The following DPP10 variants were observed in gnomAD, a reference collection of about 807,000 sequenced individuals.
DPP10 encodes the protein inactive dipeptidyl peptidase 10.
DPP10 carries 33 observed loss-of-function variants against 120.9 expected under a neutral mutation model. The ratio of observed to expected loss-of-function variants is 0.27; its 90% CI spans 0.21 to 0.37. The LOEUF is 0.37. Ranked by LOEUF, DPP10 falls within the 10% of genes least tolerant of loss-of-function variation. The pLI, the probability that DPP10 is intolerant of heterozygous loss-of-function variation, is 1.00. For missense variants in DPP10, 816 were observed against 942.8 expected (o/e 0.87, Z 1.76); for synonymous variants, 337 against 326.1 (o/e 1.03, Z -0.36).
chr2:114,445,905 G>A (rs1677917766), intron 1 of DPP10, among the ~76,000 whole-genome samples: 1 of 152,124 alleles, frequency 6.6e-6, no homozygotes. Flanking sequence ...ATCACTTTGG[G>A]TGAAATGCTG....
chr2:115,316,488 G>A (rs1456576659), intron 2 of DPP10, among the ~76,000 whole-genome samples: 1 of 152,122 alleles, frequency 6.6e-6, no homozygotes, highest in African/African-American at 2.4e-5. Flanking sequence ...TTCAGCTGAG[G>A]ATTGAGGTGT....
chr2:115,236,755 A>AT (rs759410191), intron 1 of DPP10, among the ~76,000 whole-genome samples: 99 of 152,220 alleles, frequency 6.5e-4, no homozygotes, highest in Non-Finnish European at 1.1e-3. Context: ...AGACATGTTG[A>AT]TTTGCAAGAG....
chr2:115,086,658 G>A (rs772991677), intron 1 of DPP10, among the ~76,000 whole-genome samples: 5 of 151,968 alleles, frequency 3.3e-5, no homozygotes, highest in Non-Finnish European at 5.9e-5. Flanking sequence ...GGGTTTCACC[G>A]TGTTATCCAG....
At chr2:115,679,243 C>A (rs1477155548) in intron 5 of DPP10, among the ~76,000 whole-genome samples, 3 of 152,006 alleles carry the variant, frequency 2.0e-5, no homozygotes, top group Non-Finnish European at 2.9e-5. Context: ...GTCCCCCACC[C>A]AAATCTTGTC....
intron 4 of DPP10, among the ~76,000 whole-genome samples, chr2:115,512,508 G>C (rs561787204): frequency 6.8e-6 from 1 of 148,142 alleles, no homozygotes; most frequent in Admixed American, 6.7e-5. Context: ...ACTCTATTTC[G>C]TTCCTAATAT....
chr2:114,877,587 G>A (rs1691258763), intron 1 of DPP10, among the ~76,000 whole-genome samples: 1 of 152,058 alleles, frequency 6.6e-6, no homozygotes, highest in African/African-American at 2.4e-5. Context: ...ACAGTGAACG[G>A]CGGACACACA....
chr2:114,726,364 C>T (rs1702051604), intron 1 of DPP10, among the ~76,000 whole-genome samples: 1 of 152,110 alleles, frequency 6.6e-6, no homozygotes. Flanking sequence ...AGGTAAATAG[C>T]AATGAGGAAT....
chr2:115,632,008 G>T lies in DPP10; in HGVS notation c.442-57679G>T, dbSNP rs535205807. On this transcript the variant is annotated intron_variant, in intron 5 of 25. Coordinates refer to ENST00000410059, the MANE Select transcript of DPP10 (RefSeq NM_020868.6). Reference sequence around the variant, plus strand: ...GATGATCTGTCTTATATTGACAGTGGGGTGTTGAAGTCTCACACTGTTACT... The same window carrying T: ...GATGATCTGTCTTATATTGACAGTGTGGTGTTGAAGTCTCACACTGTTACT... Among the ~76,000 whole-genome samples, 15 of 152,186 alleles carry T rather than the reference G, an allele frequency of 9.9e-5. No individual in the cohort carries two copies. In the South Asian group the frequency reaches 3.1e-3, roughly 32 times the overall value.
At chr2:115,519,642 G>A (rs1263434485) in intron 4 of DPP10, among the ~76,000 whole-genome samples, 3 of 152,136 alleles carry the variant, frequency 2.0e-5, no homozygotes, top group Non-Finnish European at 4.4e-5. Flanking sequence ...AATTATAAAA[G>A]CTATTTGCTT....
At chr2:115,438,997 G>A (rs1259551466) in intron 3 of DPP10, among the ~76,000 whole-genome samples, 4 of 5,748 alleles carry the variant, frequency 7.0e-4, no homozygotes, top group African/African-American at 1.7e-3. Flanking sequence ...TGGAAGCACA[G>A]TGTGGAATAG....
At chr2:115,414,364 T>C (rs911206745) in intron 3 of DPP10, among the ~76,000 whole-genome samples, 1 of 152,150 alleles carries the variant, frequency 6.6e-6, no homozygotes, top group Non-Finnish European at 1.5e-5. Flanking sequence ...TTATGGCTAG[T>C]TTCCGCCATG....
chr2:114,980,940 T>G (rs899952085), intron 1 of DPP10, among the ~76,000 whole-genome samples: 3 of 151,968 alleles, frequency 2.0e-5, no homozygotes, highest in Non-Finnish European at 4.4e-5. Flanking sequence ...TCTTTTATAT[T>G]TAAAGAAAAA....
At chr2:115,099,878 C>T (rs1362443163) in intron 1 of DPP10, among the ~76,000 whole-genome samples, 1 of 152,204 alleles carries the variant, frequency 6.6e-6, no homozygotes, top group Non-Finnish European at 1.5e-5. Flanking sequence ...ATATCTGCCA[C>T]ATCTCCTTTG....
rs148163133 is a variant in DPP10, at chr2:114,693,653, G to A, written c.60+250815G>A. Among the ~76,000 whole-genome samples, 1,008 of 152,038 alleles carry A rather than the reference G, an allele frequency of 6.6e-3. 3 individuals are homozygous for A. The highest frequency in any genetic ancestry group is 0.011 in the Non-Finnish European group (751 of 67,940). On this transcript the variant is annotated intron_variant, in intron 1 of 25. Coordinates refer to ENST00000410059, the MANE Select transcript of DPP10 (RefSeq NM_020868.6). ...TTGCTAGGTTTGGGAAGTTCTCCTG[G>A]ATGATATCCTGAAATATGTTTTCCA...
intron 3 of DPP10, among the ~76,000 whole-genome samples, chr2:115,495,187 A>G (rs972441270): frequency 2.0e-5 from 3 of 152,080 alleles, no homozygotes; most frequent in South Asian, 4.1e-4. Context: ...GTTTGAGTAG[A>G]TAAGACTGAA....
intron 2 of DPP10, 133 bp from the exon 3 acceptor site, chr2:115,343,684 C>A: frequency 6.6e-6 from 3 of 456,360 alleles, no homozygotes; most frequent in South Asian, 5.0e-5. Context: ...TGCCAAAAAC[C>A]ATGTCAAAAT....
intron 1 of DPP10, among the ~76,000 whole-genome samples, chr2:114,780,213 G>A (rs1033915532): frequency 2.6e-5 from 4 of 152,120 alleles, no homozygotes; most frequent in African/African-American, 9.7e-5. Flanking sequence ...GATCAAATAT[G>A]ATAATGCAGA....
At chr2:115,791,872 T>C (rs1029749144) in intron 19 of DPP10, among the ~76,000 whole-genome samples, 4 of 152,150 alleles carry the variant, frequency 2.6e-5, no homozygotes, top group Non-Finnish European at 5.9e-5. Flanking sequence ...GACTATATAG[T>C]ATTAGGCACC....
At chr2:115,633,046 A>G (rs921396119) in intron 5 of DPP10, among the ~76,000 whole-genome samples, 9 of 152,368 alleles carry the variant, frequency 5.9e-5, no homozygotes, top group Middle Eastern at 3.4e-3. Context: ...ATCTAGAACT[A>G]GAAATACCAT....
Sources: allele counts gnomAD v4.1 joint callset (sites outside exome capture counted in the v4.1 genomes callset), GRCh38; gene constraint gnomAD v4.1.1; transcripts MANE v1.5; gene names NCBI Gene and HGNC (gene_info 2026-07-23, HGNC 2026-07-21).